GPR158: variants seen among roughly 807,000 people sequenced by gnomAD.
GPR158 encodes G protein-coupled receptor 158.
GPR158 carries 30 observed loss-of-function variants against 78.2 expected under a neutral mutation model. That is an observed-to-expected ratio of 0.38 (90% CI 0.29 to 0.52). The LOEUF (loss-of-function observed/expected upper bound fraction) is 0.52, where lower values mean the gene tolerates loss of function less well. Among genes scored for constraint, GPR158 ranks in the 20% least tolerant of loss-of-function variants. GPR158 has a pLI of 0.83. For synonymous variants in GPR158, 581 were observed against 591.1 expected (o/e 0.98, Z 0.25); for missense variants, 1,463 against 1,523.5 (o/e 0.96, Z 0.66).
rs536239150 is a variant in GPR158 at position 25,353,777 on chromosome 10, A to G, written c.1009-42134A>G. Among the ~76,000 whole-genome samples, 14 of 152,192 alleles carry G rather than the reference A, an allele frequency of 9.2e-5. No homozygotes were observed. The South Asian group carries it at 2.5e-3, about 27-fold the overall frequency. On this transcript the variant is annotated intron_variant, in intron 2 of 10. Transcript: ENST00000376351. Reference sequence around the variant, plus strand: ...TAGAATTGGGTTTTCTGAAGGCAGCATATAATTGGCTCTTGTTTCTTTATC... The same window carrying G: ...TAGAATTGGGTTTTCTGAAGGCAGCGTATAATTGGCTCTTGTTTCTTTATC...
chr10:25,255,217 A>T (rs1001315944), intron 2 of GPR158, among the ~76,000 whole-genome samples: 1 of 152,214 alleles, frequency 6.6e-6, no homozygotes, highest in Admixed American at 6.5e-5. Context: ...GAATTTTGTT[A>T]TTCTGTTAGG....
At chr10:25,483,514 G>A (rs1384303943) in intron 5 of GPR158, among the ~76,000 whole-genome samples, 12 of 151,938 alleles carry the variant, frequency 7.9e-5, no homozygotes, top group African/African-American at 1.9e-4. Context: ...AGAATTGATC[G>A]TTTTTTACAT....
chr10:25,311,283 T>C (rs755110098), intron 2 of GPR158, among the ~76,000 whole-genome samples: 8 of 151,994 alleles, frequency 5.3e-5, no homozygotes, highest in South Asian at 4.1e-4. Context: ...CTTTATGACA[T>C]TGAGCTTTTC....
At chr10:25,215,994 A>G (rs1021085968) in intron 1 of GPR158, among the ~76,000 whole-genome samples, 1 of 152,228 alleles carries the variant, frequency 6.6e-6, no homozygotes, top group Non-Finnish European at 1.5e-5. Flanking sequence ...TACCTACTAT[A>G]TAACAAAAGT....
intron 1 of GPR158, among the ~76,000 whole-genome samples, chr10:25,210,605 C>G (rs954266357): frequency 2.0e-5 from 3 of 152,128 alleles, no homozygotes; most frequent in Admixed American, 2.0e-4. Flanking sequence ...AATTTGCATT[C>G]CTGATTACCA....
rs1012379336 is a variant in GPR158 at position 25,598,501 on chromosome 10, C to G, written c.2875C>G (p.Gln959Glu). 6.2e-7 allele frequency: 1 copy of G among 1,614,006 alleles called. No homozygotes were observed. The highest frequency in any genetic ancestry group is 1.7e-5 in the Admixed American group (1 of 59,996). ...CACAGAGACTAAAGATCCTGCCCCCCAAAACTCAAATCCTGCGGAGGAGCC... is the reference window on the plus strand; with the variant it reads ...CACAGAGACTAAAGATCCTGCCCCCGAAAACTCAAATCCTGCGGAGGAGCC... ...DNTETKDPAP[Q>E]NSNPAEEPRK... The change falls in exon 11 of 11, where the codon CAA (glutamine) becomes GAA (glutamate). Residue 959 changes from glutamine (Q) to glutamate (E), a missense_variant. Gln to Glu is a conservative substitution (Grantham distance 29, BLOSUM62 2). Coordinates refer to ENST00000376351, the MANE Select transcript of GPR158 (RefSeq NM_020752.3).
Position 25,176,024 on chromosome 10 carries a change from C to G in GPR158, c.604C>G (p.Leu202Val), listed in dbSNP as rs377071000. The change falls in exon 1 of 11, where the codon CTG (leucine) becomes GTG (valine). Residue 202 changes from leucine to valine, a missense_variant. By Grantham distance (32) the Leu-to-Val change is conservative. Coordinates refer to ENST00000376351, the MANE Select transcript of GPR158 (RefSeq NM_020752.3). The surrounding 1 kb of genome is among the most constrained non-coding windows in gnomAD (Gnocchi z 6.3). ...LQATREESRILLQDLSSSAPH... is the reference protein window; with the variant it reads ...LQATREESRIVLQDLSSSAPH... ...GGCCACGCGCGAGGAGAGCCGCATC[C>G]TGCTCCAAGACCTGTCCTCCTCCGC... The G allele has an allele frequency of 1.2e-6, 2 of 1,611,812 alleles. No individual in the cohort carries two copies. Among genetic ancestry groups the G allele is most frequent in the Non-Finnish European group, 1.7e-6 (2 of 1,179,364 alleles).
chr10:25,334,158 A>C (rs1338743765), intron 2 of GPR158, among the ~76,000 whole-genome samples: 3 of 152,132 alleles, frequency 2.0e-5, no homozygotes, highest in Non-Finnish European at 2.9e-5. Flanking sequence ...TTAAAAAGAC[A>C]ACAGGCAACT....
At chr10:25,242,428 A>T in intron 2 of GPR158, among the ~76,000 whole-genome samples, 1 of 152,246 alleles carries the variant, frequency 6.6e-6, no homozygotes, top group East Asian at 1.9e-4. Flanking sequence ...TGAGTGATTG[A>T]ATTCCTTAGA....
Position 25,583,796 on chromosome 10 carries a change from A to G in GPR158, c.1754-5211A>G, listed in dbSNP as rs545276913. On this transcript the variant is annotated intron_variant, in intron 7 of 10. Transcript: ENST00000376351. ...ATACTTATTTATGCTGTGTAAAGGTAATTTTTAATGCGGCAAAGCAGGGTA... is the reference window on the plus strand; with the variant it reads ...ATACTTATTTATGCTGTGTAAAGGTGATTTTTAATGCGGCAAAGCAGGGTA... Among the ~76,000 whole-genome samples the G allele has an allele frequency of 3.3e-5, 5 of 152,320 alleles. No homozygotes were observed. In the East Asian group the frequency reaches 9.7e-4, roughly 29 times the overall value.
intron 2 of GPR158, among the ~76,000 whole-genome samples, chr10:25,243,717 AT>A (rs1853654917): frequency 6.6e-6 from 1 of 152,184 alleles, no homozygotes. Flanking sequence ...TAGCTGCACT[AT>A]GTTACTTGTT....
At position 25,175,198 on chromosome 10, in the gene GPR158, G is replaced by C. The variant is rs1196558986; in HGVS notation, c.-223G>C. ...ATCCCCAGCCGGCCCCTCGCGCAGC[G>C]GGCACGGCCAGCGCTGCCACAGGTG... On this transcript the variant is annotated 5_prime_UTR_variant, in exon 1 of 11. Transcript: ENST00000376351. This position sits in a 1 kb window ranked among gnomAD's most constrained non-coding sequence, Gnocchi z 6.4. 4 of 473,338 alleles carry C rather than the reference G, an allele frequency of 8.5e-6. No homozygotes were observed. The highest frequency in any genetic ancestry group is 1.5e-5 in the Non-Finnish European group (4 of 269,282). 29.3% of individuals were successfully genotyped at this position (473,338 alleles called of 1,614,324 possible).
chr10:25,187,812 G>T (rs1852709311), intron 1 of GPR158, among the ~76,000 whole-genome samples: 1 of 152,128 alleles, frequency 6.6e-6, no homozygotes, highest in Non-Finnish European at 1.5e-5. Flanking sequence ...GAAATAAAGG[G>T]TATTCAATTA....
chr10:25,457,116 GTGCC>G (rs142606024), intron 4 of GPR158, among the ~76,000 whole-genome samples: 3,415 of 142,382 alleles, frequency 0.024, 157 homozygotes, highest in African/African-American at 0.091. Context: ...GGGATTACAG[GTGCC>G]TGCCAGCCAC....
intron 4 of GPR158, among the ~76,000 whole-genome samples, chr10:25,462,518 C>A (rs942129055): frequency 1.3e-5 from 2 of 152,134 alleles, no homozygotes; most frequent in African/African-American, 4.8e-5. Flanking sequence ...CATAGTGATT[C>A]TTCTGATAGA....
At chr10:25,291,268 TA>T (rs1854432438) in intron 2 of GPR158, among the ~76,000 whole-genome samples, 2 of 151,968 alleles carry the variant, frequency 1.3e-5, no homozygotes, top group Non-Finnish European at 2.9e-5. Context: ...TGAGGTAATA[TA>T]AAAAATATGT....
chr10:25,248,158 G>T (rs1162338084), intron 2 of GPR158, among the ~76,000 whole-genome samples: 1 of 151,794 alleles, frequency 6.6e-6, no homozygotes. Context: ...CTTTTTGATG[G>T]GGTTGTTTGT....
intron 5 of GPR158, among the ~76,000 whole-genome samples, chr10:25,506,201 C>T (rs1836011063): frequency 1.3e-5 from 2 of 152,166 alleles, no homozygotes; most frequent in South Asian, 4.1e-4. Flanking sequence ...CTAAAAGTAA[C>T]CATCAAGGAG....
At chr10:25,261,767 A>G (rs1247643364) in intron 2 of GPR158, among the ~76,000 whole-genome samples, 1 of 152,160 alleles carries the variant, frequency 6.6e-6, no homozygotes, top group Non-Finnish European at 1.5e-5. Flanking sequence ...TATGACTGCC[A>G]TGGCCCTTTT....
Sources: gnomAD v4.1 joint callset for allele counts (sites outside exome capture counted in the v4.1 genomes callset) on GRCh38, gnomAD v4.1.1 for gene constraint, Gnocchi (gnomAD v3.1) non-coding constraint, MANE v1.5 for transcripts, NCBI Gene and HGNC (gene_info 2026-07-23, HGNC 2026-07-21) for gene names.